The following ITGA6 variants were observed in gnomAD, a reference collection of about 807,000 sequenced individuals.
ITGA6 encodes the protein integrin subunit alpha 6.
ITGA6 carries 63 observed loss-of-function variants against 133.6 expected under a neutral mutation model. That is an observed-to-expected ratio of 0.47 (90% CI 0.38 to 0.58). The LOEUF is 0.58. Among genes scored for constraint, ITGA6 ranks in the 20% least tolerant of loss-of-function variants. ITGA6 has a pLI of 0.00. For missense variants in ITGA6, 1,068 were observed against 1,309.4 expected (o/e 0.82, Z 2.85); for synonymous variants, 434 against 482.0 (o/e 0.90, Z 1.30).
chr2:172,428,096 G>A, intron 1 of ITGA6, 126 bp downstream of exon 1: 1 of 918,976 alleles, frequency 1.1e-6, no homozygotes, highest in South Asian at 3.7e-5. Flanking sequence ...CGGGCCGGCC[G>A]AGGCGCACCC....
chr2:172,486,960 T>C, intron 13 of ITGA6, 63 bp from the exon 14 acceptor site: 1 of 866,908 alleles, frequency 1.2e-6, no homozygotes, highest in South Asian at 1.4e-5. Flanking sequence ...GCCAGTCACC[T>C]ACATCGATGC....
At chr2:172,469,514 T>G in intron 4 of ITGA6, 134 bp downstream of exon 4, 1 of 789,440 alleles carries the variant, frequency 1.3e-6, no homozygotes, top group Non-Finnish European at 2.0e-6. Context: ...TAAAAATCTC[T>G]AAATGATATG....
At position 172,469,347 on chromosome 2, in the gene ITGA6, G is replaced by T. The variant is rs770832668; in HGVS notation, c.610G>T (p.Val204Leu). The change falls in exon 4 of 26, where the codon GTA (valine) becomes TTA (leucine). Residue 204 changes from valine (V) to leucine (L), a missense_variant. Val to Leu is a conservative substitution (Grantham distance 32). This residue lies in a region of ITGA6 where 317 missense variants were observed against 456.9 expected (regional missense o/e 0.69). Coordinates refer to ENST00000684293, the MANE Select transcript of ITGA6 (RefSeq NM_000210.4). ...ATFTKDFHYI[V>L]FGAPGTYNWK... is the part of the protein sequence containing the mutation. ...TTTTACTAAAGACTTTCATTACATT[G>T]TATTTGGAGCCCCGGGTACTTATAA... 1 of 1,613,914 alleles carries T rather than the reference G, an allele frequency of 6.2e-7. No homozygotes were observed. The highest frequency in any genetic ancestry group is 8.5e-7 in the Non-Finnish European group (1 of 1,179,940).
At chr2:172,468,076 A>G (rs1685761619) in intron 3 of ITGA6, among the ~76,000 whole-genome samples, 1 of 152,264 alleles carries the variant, frequency 6.6e-6, no homozygotes, top group Non-Finnish European at 1.5e-5. Flanking sequence ...ATAACTTATT[A>G]AAGAACCTTT....
At chr2:172,492,644 G>C (rs994550662) in intron 23 of ITGA6, among the ~76,000 whole-genome samples, 1 of 152,180 alleles carries the variant, frequency 6.6e-6, no homozygotes, top group Non-Finnish European at 1.5e-5. Context: ...TGGGAGTCTA[G>C]AACCCACAGG....
At chr2:172,495,388 A>T (rs1294123586) in intron 23 of ITGA6, 1 of 152,226 alleles carries the variant, frequency 6.6e-6, no homozygotes, top group Non-Finnish European at 1.5e-5. Flanking sequence ...TTCATCAGTA[A>T]CAGTTGGTGT....
Position 172,427,616 on chromosome 2 carries a change from C to G in ITGA6, c.-173C>G. 1 of 1,279,984 alleles carries G rather than the reference C, an allele frequency of 7.8e-7. No individual in the cohort carries two copies. Among genetic ancestry groups the G allele is most frequent in the Non-Finnish European group, 9.8e-7 (1 of 1,016,852 alleles). The allele number at this position is 1,279,984 out of a possible 1,614,324, so 79.3% of individuals were successfully genotyped here. ...GCTCATTCAGCGGTCGCGAGCTGCCCGCGAGGGGGAGCGGCCGGACGGAGA... is the reference window on the plus strand; with the variant it reads ...GCTCATTCAGCGGTCGCGAGCTGCCGGCGAGGGGGAGCGGCCGGACGGAGA... On this transcript the variant is annotated 5_prime_UTR_variant, in exon 1 of 26. Coordinates refer to ENST00000684293, the MANE Select transcript of ITGA6 (RefSeq NM_000210.4).
chr2:172,458,919 CA>C (rs1436922771), intron 1 of ITGA6, among the ~76,000 whole-genome samples: 1 of 152,040 alleles, frequency 6.6e-6, no homozygotes, highest in Non-Finnish European at 1.5e-5. Context: ...TTGAAGACTG[CA>C]AATGTGACTA....
Position 172,491,391 on chromosome 2 carries a change from T to C in ITGA6, c.2890-34T>C. ...AATTTGCCTTTGCCTAGGACACTTT[T>C]CACTTCCCTAATGCATTCACTGTCT... On this transcript the variant is annotated intron_variant, in intron 22 of 25. Transcript: ENST00000684293. The surrounding 1 kb of genome is among the most constrained non-coding windows in gnomAD (Gnocchi z 4.4). 1.3e-6 allele frequency: 2 copies of C among 1,585,510 alleles called. No individual in the cohort carries two copies. Among genetic ancestry groups the C allele is most frequent in the Non-Finnish European group, 1.7e-6 (2 of 1,154,036 alleles).
chr2:172,446,324 C>A (rs1684766436), intron 1 of ITGA6, among the ~76,000 whole-genome samples: 1 of 151,982 alleles, frequency 6.6e-6, no homozygotes, highest in South Asian at 2.1e-4. Flanking sequence ...TCGCTTTTTC[C>A]TTTGCAGATG....
chr2:172,443,602 C>G (rs1684630739), intron 1 of ITGA6, among the ~76,000 whole-genome samples: 1 of 152,160 alleles, frequency 6.6e-6, no homozygotes, highest in South Asian at 2.1e-4. Context: ...AGTTTCCAGC[C>G]TTATGCCCAA....
intron 24 of ITGA6, among the ~76,000 whole-genome samples, chr2:172,500,842 T>G (rs1016069304): frequency 1.8e-4 from 28 of 152,198 alleles, no homozygotes; most frequent in Non-Finnish European, 3.7e-4. Flanking sequence ...CTGGTTCACT[T>G]GAGGCACAGA....
chr2:172,443,695 G>A (rs1684633941), intron 1 of ITGA6, among the ~76,000 whole-genome samples: 1 of 152,210 alleles, frequency 6.6e-6, no homozygotes, highest in Non-Finnish European at 1.5e-5. Context: ...AAATTAGAAT[G>A]GCTTGTTGGA....
chr2:172,451,856 G>A (rs1008894204), intron 1 of ITGA6, among the ~76,000 whole-genome samples: 2 of 152,032 alleles, frequency 1.3e-5, no homozygotes, highest in African/African-American at 4.8e-5. Flanking sequence ...GCGAGCTCCT[G>A]CAAACTCCTA....
intron 1 of ITGA6, among the ~76,000 whole-genome samples, chr2:172,448,096 A>C (rs1684839949): frequency 6.6e-6 from 1 of 152,106 alleles, no homozygotes; most frequent in African/African-American, 2.4e-5. Context: ...ATGCTCTTTC[A>C]AGGAGGCAGG....
chr2:172,487,678 G>A, intron 16 of ITGA6, 48 bp downstream of exon 16: 1 of 1,591,614 alleles, frequency 6.3e-7, no homozygotes, highest in South Asian at 1.1e-5. Context: ...AAATACCATT[G>A]CAGTGTCTGT....
At chr2:172,472,805 A>G in intron 5 of ITGA6, 1 of 1,612,548 alleles carries the variant, frequency 6.2e-7, no homozygotes, top group Non-Finnish European at 8.5e-7. Context: ...TTTCCTATAC[A>G]GATCCTGATC....
intron 1 of ITGA6, among the ~76,000 whole-genome samples, chr2:172,432,782 C>T (rs767675249): frequency 3.9e-5 from 6 of 152,060 alleles, no homozygotes; most frequent in African/African-American, 7.2e-5. Flanking sequence ...AGTGGGTACT[C>T]GGGACTTGCT....
chr2:172,458,178 A>G (rs1684821670), intron 1 of ITGA6, among the ~76,000 whole-genome samples: 1 of 152,034 alleles, frequency 6.6e-6, no homozygotes, highest in Non-Finnish European at 1.5e-5. Context: ...ACAGGCAGAT[A>G]GGGGAATGTT....
Sources: gnomAD v4.1 joint callset for allele counts (sites outside exome capture counted in the v4.1 genomes callset) on GRCh38, gnomAD v4.1.1 for gene constraint, gnomAD v4.1.1 regional missense constraint, Gnocchi (gnomAD v3.1) non-coding constraint, MANE v1.5 for transcripts, NCBI Gene and HGNC (gene_info 2026-07-23, HGNC 2026-07-21) for gene names.